Variants in IL1RAPL2 observed in about 807,000 individuals in gnomAD.
The protein encoded by IL1RAPL2 is interleukin 1 receptor accessory protein like 2, also known as X-linked interleukin-1 receptor accessory protein-like 2.
A neutral mutation model predicts 44.1 loss-of-function variants in IL1RAPL2; 3 were observed. That is an observed-to-expected ratio of 0.07 (90% CI 0.03 to 0.18). The LOEUF (loss-of-function observed/expected upper bound fraction) is 0.18, where lower values mean the gene tolerates loss of function less well. Ranked by LOEUF, IL1RAPL2 falls within the 10% of genes least tolerant of loss-of-function variation. IL1RAPL2 has a pLI of 1.00. For missense variants in IL1RAPL2, 391 were observed against 496.4 expected (o/e 0.79, Z 2.02); for synonymous variants, 181 against 178.8 (o/e 1.01, Z -0.10).
chrX:105,387,367 T>C (rs2035484662), intron 5 of IL1RAPL2, among the ~76,000 whole-genome samples: 1 of 109,238 alleles, frequency 9.2e-6, no homozygotes, highest in South Asian at 4.1e-4. Context: ...CCTGAGTAGC[T>C]GGGATTACAG....
intron 5 of IL1RAPL2, among the ~76,000 whole-genome samples, chrX:105,345,524 G>T (rs1447067017): frequency 5.4e-5 from 6 of 110,599 alleles, no homozygotes; most frequent in African/African-American, 1.7e-4. Flanking sequence ...ATACTTTGAA[G>T]AAAAGAAGTA....
At chrX:105,265,733 GAAAA>G (rs1300991599) in intron 4 of IL1RAPL2, among the ~76,000 whole-genome samples, 1 of 86,506 alleles carries the variant, frequency 1.2e-5, no homozygotes, top group Non-Finnish European at 1.9e-5. Flanking sequence ...TAACATGAAA[GAAAA>G]AAAATGTTAT....
intron 2 of IL1RAPL2, among the ~76,000 whole-genome samples, chrX:104,876,986 T>C (rs774412125): frequency 0.051 from 5,572 of 110,310 alleles, 155 homozygotes; most frequent in Middle Eastern, 0.16. Flanking sequence ...AGTGTTTGGT[T>C]TTTTGTTCTT....
chrX:105,674,496 T>C (rs56999158), intron 6 of IL1RAPL2, among the ~76,000 whole-genome samples: 2,217 of 111,612 alleles, frequency 0.02, 42 homozygotes, highest in African/African-American at 0.069. Flanking sequence ...CAATCTTATT[T>C]CTGAGTTCTC....
intron 5 of IL1RAPL2, among the ~76,000 whole-genome samples, chrX:105,448,345 T>C (rs1220983446): frequency 9.3e-6 from 1 of 107,909 alleles, no homozygotes; most frequent in African/African-American, 3.5e-5. Context: ...TCTCTTTGTC[T>C]ACCTCCTCTT....
At chrX:104,683,591 A>G (rs923429927) in intron 2 of IL1RAPL2, among the ~76,000 whole-genome samples, 3 of 112,521 alleles carry the variant, frequency 2.7e-5, no homozygotes, top group Admixed American at 1.9e-4. Flanking sequence ...GAGAGTGCAT[A>G]ATAGATATAA....
At chrX:105,579,363 CATTTTTCTTTATATGCAAT>C (rs1376241951) in intron 6 of IL1RAPL2, among the ~76,000 whole-genome samples, 2 of 111,214 alleles carry the variant, frequency 1.8e-5, no homozygotes, top group Admixed American at 9.6e-5. Flanking sequence ...TTATATGCAA[CATTTTTCTTTATATGCAAT>C]ATATAAACAT....
intron 2 of IL1RAPL2, among the ~76,000 whole-genome samples, chrX:104,896,590 T>C (rs1354037514): frequency 1.8e-5 from 2 of 111,468 alleles, no homozygotes; most frequent in East Asian, 5.6e-4. Context: ...CAGTGCTCTA[T>C]CTAGCTAAAG....
intron 6 of IL1RAPL2, among the ~76,000 whole-genome samples, chrX:105,568,650 G>A (rs1010717961): frequency 5.4e-5 from 6 of 111,822 alleles, no homozygotes; most frequent in African/African-American, 9.7e-5. Flanking sequence ...TGGCTCCTTC[G>A]GAGAAACAAG....
chrX:105,171,497 T>C (rs2033422715), intron 2 of IL1RAPL2, among the ~76,000 whole-genome samples: 2 of 110,797 alleles, frequency 1.8e-5, no homozygotes, highest in African/African-American at 3.3e-5. Context: ...CCCTGTAGCA[T>C]AGGGAGTAAG....
chrX:105,727,958 C>A (rs981835364), intron 7 of IL1RAPL2, among the ~76,000 whole-genome samples: 1 of 111,220 alleles, frequency 9.0e-6, no homozygotes, highest in East Asian at 2.9e-4. Context: ...CCACAAGACT[C>A]CCCCCACTAT....
chrX:105,491,719 A>C (rs1400950170), intron 6 of IL1RAPL2, among the ~76,000 whole-genome samples: 2 of 112,031 alleles, frequency 1.8e-5, no homozygotes, highest in Non-Finnish European at 3.8e-5. Flanking sequence ...TATTGCCCAG[A>C]TCATATACCA....
intron 2 of IL1RAPL2, among the ~76,000 whole-genome samples, chrX:104,842,693 C>T (rs1048141191): frequency 8.9e-6 from 1 of 112,141 alleles, no homozygotes; most frequent in African/African-American, 3.2e-5. Context: ...CATTCCAGAC[C>T]CTTTTCACCT....
intron 6 of IL1RAPL2, among the ~76,000 whole-genome samples, chrX:105,668,498 T>A (rs955633244): frequency 8.9e-6 from 1 of 112,686 alleles, no homozygotes; most frequent in Non-Finnish European, 1.9e-5. Context: ...GAGCAATCAT[T>A]AGTAATATGA....
chrX:105,074,139 T>TA (rs749443862), intron 2 of IL1RAPL2, among the ~76,000 whole-genome samples: 213 of 111,922 alleles, frequency 1.9e-3, no homozygotes, highest in African/African-American at 6.5e-3. Context: ...TGAATGGTAT[T>TA]GCCCAGGTTT....
At chrX:105,344,470 G>A (rs1037606042) in intron 5 of IL1RAPL2, among the ~76,000 whole-genome samples, 32 of 111,387 alleles carry the variant, frequency 2.9e-4, no homozygotes, top group Middle Eastern at 4.6e-3. Context: ...TCCACATGAA[G>A]TGCTGAAAAC....
At chrX:105,580,775 G>A (rs1490136743) in intron 6 of IL1RAPL2, among the ~76,000 whole-genome samples, 2 of 111,604 alleles carry the variant, frequency 1.8e-5, no homozygotes, top group African/African-American at 6.5e-5. Context: ...AATGAATTCT[G>A]CTTGGCCTCA....
intron 4 of IL1RAPL2, among the ~76,000 whole-genome samples, chrX:105,251,742 C>T (rs895210619): frequency 3.6e-5 from 4 of 109,666 alleles, no homozygotes; most frequent in African/African-American, 1.3e-4. Context: ...TATCACTGGA[C>T]CTCAATTTCC....
intron 2 of IL1RAPL2, among the ~76,000 whole-genome samples, chrX:104,906,426 A>T (rs1240144307): frequency 1.8e-5 from 2 of 111,176 alleles, no homozygotes; most frequent in East Asian, 2.8e-4. Context: ...ATTCAGTATG[A>T]TATTGGCTGT....
Sources: gnomAD v4.1 joint callset for allele counts (sites outside exome capture counted in the v4.1 genomes callset) on GRCh38, gnomAD v4.1.1 for gene constraint, MANE v1.5 for transcripts, NCBI Gene and HGNC (gene_info 2026-07-23, HGNC 2026-07-21) for gene names.